The following PI4KA variants were observed in gnomAD, a reference collection of about 807,000 sequenced individuals.
PI4KA encodes the protein PI4-kinase alpha.
Under a neutral mutation model 271.4 loss-of-function variants are expected in PI4KA, and 122 were observed. The ratio of observed to expected loss-of-function variants is 0.45; its 90% CI spans 0.39 to 0.52. PI4KA has a LOEUF of 0.52. PI4KA is among the 20% of genes least tolerant of loss of function. The pLI, the probability that PI4KA is intolerant of heterozygous loss-of-function variation, is 0.00. For missense variants in PI4KA, 1,969 were observed against 2,769.1 expected, an observed-to-expected ratio of 0.71 and a Z score of 6.48; for synonymous variants, 1,041 against 1,078.8, an observed-to-expected ratio of 0.96 and a Z score of 0.69.
At chr22:20,850,887 C>CA (rs1230752144) in intron 1 of PI4KA, among the ~76,000 whole-genome samples, 4 of 151,824 alleles carry the variant, frequency 2.6e-5, no homozygotes, top group Non-Finnish European at 4.4e-5. Flanking sequence ...AAAAATTTTT[C>CA]TTTTTTTACT....
chr22:20,855,687 CA>C (rs1315105465), intron 1 of PI4KA, among the ~76,000 whole-genome samples: 6 of 152,214 alleles, frequency 3.9e-5, no homozygotes, highest in African/African-American at 1.4e-4. Flanking sequence ...GCAAAATATT[CA>C]ATACATGTGT....
chr22:20,797,949 G>C (rs1226061137), intron 17 of PI4KA, among the ~76,000 whole-genome samples: 1 of 152,082 alleles, frequency 6.6e-6, no homozygotes, highest in Non-Finnish European at 1.5e-5. Context: ...GGATGAACAT[G>C]TCCCTGTCCT....
At chr22:20,781,700 C>T (rs746433404) in intron 19 of PI4KA, among the ~76,000 whole-genome samples, 29 of 152,226 alleles carry the variant, frequency 1.9e-4, no homozygotes, top group Non-Finnish European at 3.7e-4. Context: ...AACAGGCTTG[C>T]GGCAGACACA....
Position 20,819,850 on chromosome 22 carries a change from A to T in PI4KA, c.580T>A (p.Phe194Ile). Residue 194 changes from phenylalanine (F) to isoleucine (I), a missense_variant, in exon 6 of 55, where the codon TTT becomes ATT. This residue lies in a region of PI4KA where 540 missense variants were observed against 555.5 expected (regional missense o/e 0.97). Coordinates refer to ENST00000255882, the MANE Select transcript of PI4KA (RefSeq NM_058004.4). The stretch of plus-strand genomic sequence containing the variant: ...TCTTCCATGTTGCTGTAACGCCCAA[A>T]TGCTCGCGAGATTCCTATCAGGCAT... ...IPCLIGISRA[F>I]GRYSNMEESL... 1.2e-6 allele frequency: 2 copies of T among 1,614,028 alleles called. No homozygotes were observed. Among genetic ancestry groups the T allele is most frequent in the Non-Finnish European group, 1.7e-6 (2 of 1,179,852 alleles).
At chr22:20,833,765 T>A (rs1244696712) in intron 3 of PI4KA, among the ~76,000 whole-genome samples, 1 of 149,292 alleles carries the variant, frequency 6.7e-6, no homozygotes, top group Non-Finnish European at 1.5e-5. Context: ...GTTCAAGCAA[T>A]TCTTCTGCCT....
At chr22:20,714,099 G>A (rs1347747704) in intron 47 of PI4KA, among the ~76,000 whole-genome samples, 1 of 152,184 alleles carries the variant, frequency 6.6e-6, no homozygotes, top group Non-Finnish European at 1.5e-5. Context: ...CCTGCCCAGA[G>A]CCTTCAGAGG....
chr22:20,858,361 C>A (rs2147849046), intron 1 of PI4KA, among the ~76,000 whole-genome samples: 1 of 152,034 alleles, frequency 6.6e-6, no homozygotes, highest in African/African-American at 2.4e-5. Context: ...GCAGGCCCCG[C>A]CGACCCTTCC....
At chr22:20,780,082 C>A (rs766424029) in intron 19 of PI4KA, 2 of 1,614,126 alleles carry the variant, frequency 1.2e-6, no homozygotes, top group East Asian at 4.5e-5. Flanking sequence ...TCAGACCCTG[C>A]CTTCATATCA....
chr22:20,720,294 G>A (rs935540322), intron 43 of PI4KA, among the ~76,000 whole-genome samples: 3 of 151,820 alleles, frequency 2.0e-5, no homozygotes, highest in Non-Finnish European at 4.4e-5. Flanking sequence ...TTTTTTTGGC[G>A]ATCCTCCTGC....
intron 42 of PI4KA, chr22:20,725,660 G>A (rs763428588): frequency 7.1e-5 from 26 of 363,698 alleles, no homozygotes; most frequent in African/African-American, 3.3e-4. Context: ...TTTTGGAGGC[G>A]GAGGTGGGCA....
chr22:20,763,019 G>GC (rs1569001988), intron 22 of PI4KA, among the ~76,000 whole-genome samples: 8 of 76,694 alleles, frequency 1.0e-4, no homozygotes, highest in African/African-American at 2.2e-4. Flanking sequence ...TTTTTTTTTG[G>GC]GGGGGGGGGG....
intron 3 of PI4KA, among the ~76,000 whole-genome samples, chr22:20,833,657 G>GTTTTT (rs361962): frequency 6.7e-4 from 49 of 72,888 alleles, no homozygotes; most frequent in Non-Finnish European, 8.8e-4. Flanking sequence ...GTTTGTTTTT[G>GTTTTT]TTTTTTTTTT....
chr22:20,779,889 T>C (rs1366861481), intron 19 of PI4KA: 1 of 1,614,230 alleles, frequency 6.2e-7, no homozygotes, highest in Admixed American at 1.7e-5. Flanking sequence ...CAGCAGCAAG[T>C]ATGAAATCAC....
chr22:20,799,770 A>T lies in PI4KA; in HGVS notation c.1725-4T>A. The T allele has an allele frequency of 6.5e-7, 1 of 1,545,280 alleles. No individual in the cohort carries two copies. The highest frequency in any genetic ancestry group is 8.8e-7 in the Non-Finnish European group (1 of 1,142,368). On this transcript the variant is annotated splice_region_variant and splice_polypyrimidine_tract_variant and intron_variant, in intron 14 of 54. Coordinates refer to ENST00000255882, the MANE Select transcript of PI4KA (RefSeq NM_058004.4). Reference sequence around the variant, plus strand: ...CGTCAATCCAGCCTTCAGGCACCTGAGGAGCAAGAAAACCCATGTGGCACT... The same window carrying T: ...CGTCAATCCAGCCTTCAGGCACCTGTGGAGCAAGAAAACCCATGTGGCACT...
intron 5 of PI4KA, 123 bp downstream of exon 5, chr22:20,820,416 T>G: frequency 1.5e-6 from 1 of 679,614 alleles, no homozygotes; most frequent in Non-Finnish European, 2.6e-6. Flanking sequence ...CAAATCAAAC[T>G]AAAATAGGAA....
At chr22:20,742,938 G>GC (rs1929636646) in intron 30 of PI4KA, 174 bp from the exon 31 acceptor site, 2 of 578,608 alleles carry the variant, frequency 3.5e-6, no homozygotes, top group East Asian at 5.8e-5. Context: ...ACTGATCACA[G>GC]CTTTTTTTTT....
rs61730767 is a variant in PI4KA at position 20,779,719 on chromosome 22, A to T, written c.2328+13474T>A. 336 of 1,614,160 alleles carry T rather than the reference A, an allele frequency of 2.1e-4. No homozygotes were observed. The African/African-American group carries it at 4.1e-3, about 20-fold the overall frequency. On this transcript the variant is annotated intron_variant, in intron 19 of 54. Coordinates refer to ENST00000255882, the MANE Select transcript of PI4KA (RefSeq NM_058004.4). ...ATCCTCAACGCCAAGTTCGCTTTCA[A>T]CCTCTACCGAGTGCTGAAAGACCAG...
At position 20,819,836 on chromosome 22, in the gene PI4KA, G is replaced by C. The variant is rs753709181; in HGVS notation, c.594C>G (p.Ser198Arg). 1.2e-6 allele frequency: 2 copies of C among 1,613,712 alleles called. No individual in the cohort carries two copies. The highest frequency in any genetic ancestry group is 2.2e-5 in the South Asian group (2 of 91,076). ...TTGAGAGGAGAGACTCTTCCATGTT[G>C]CTGTAACGCCCAAATGCTCGCGAGA... The part of the protein sequence containing the change: ...IGISRAFGRY[S>R]NMEESLLSKL... Residue 198 changes from serine (S) to arginine (R), a missense_variant, in exon 6 of 55, where the codon AGC (serine) becomes AGG (arginine). This residue lies in a region of PI4KA where 540 missense variants were observed against 555.5 expected (regional missense o/e 0.97). Transcript: ENST00000255882.
At chr22:20,806,321 G>GA (rs1738844619) in intron 10 of PI4KA, among the ~76,000 whole-genome samples, 1 of 152,132 alleles carries the variant, frequency 6.6e-6, no homozygotes, top group Non-Finnish European at 1.5e-5. Context: ...CAAAATTCAT[G>GA]AAAGAGGGAC....
Sources: gnomAD v4.1 joint callset for allele counts (sites outside exome capture counted in the v4.1 genomes callset) on GRCh38, gnomAD v4.1.1 for gene constraint, gnomAD v4.1.1 regional missense constraint, MANE v1.5 for transcripts, NCBI Gene and HGNC (gene_info 2026-07-23, HGNC 2026-07-21) for gene names.